EYA4: variants seen among roughly 807,000 people sequenced by gnomAD.
EYA4 encodes EYA transcriptional coactivator and phosphatase 4, also known as protein phosphatase EYA4.
EYA4 carries 31 observed loss-of-function variants against 87.9 expected under a neutral mutation model. That is an observed-to-expected ratio of 0.35 (90% CI 0.27 to 0.48). The LOEUF is 0.48. Ranked by LOEUF, EYA4 falls within the 20% of genes least tolerant of loss-of-function variation. The probability of loss-of-function intolerance (pLI) is 0.99; values close to 1 mark genes in which losing one functional copy is unlikely to be tolerated. For missense variants in EYA4, 678 were observed against 761.4 expected (o/e 0.89, Z 1.29); for synonymous variants, 263 against 270.6 (o/e 0.97, Z 0.28).
At chr6:133,465,161 AAG>A (rs1301573429) in intron 10 of EYA4, among the ~76,000 whole-genome samples, 4 of 152,108 alleles carry the variant, frequency 2.6e-5, no homozygotes, top group Non-Finnish European at 5.9e-5. Flanking sequence ...AAAATATACT[AAG>A]AACAATTTTA....
intron 4 of EYA4, among the ~76,000 whole-genome samples, chr6:133,447,397 A>G (rs972677336): frequency 5.3e-5 from 8 of 152,174 alleles, no homozygotes; most frequent in African/African-American, 1.9e-4. Context: ...AATGTATTCA[A>G]CTTGTCAGAA....
intron 6 of EYA4, among the ~76,000 whole-genome samples, chr6:133,457,560 A>G (rs904214263): frequency 1.3e-5 from 2 of 152,136 alleles, no homozygotes; most frequent in Non-Finnish European, 2.9e-5. Context: ...TATAGCATAT[A>G]TTTGATTTTT....
At chr6:133,402,710 A>T (rs934607864) in intron 3 of EYA4, among the ~76,000 whole-genome samples, 20 of 149,756 alleles carry the variant, frequency 1.3e-4, no homozygotes, top group African/African-American at 4.8e-4. Context: ...CAATATAAAG[A>T]TGAAATGTGA....
intron 2 of EYA4, among the ~76,000 whole-genome samples, chr6:133,342,213 A>C (rs751360606): frequency 4.6e-5 from 7 of 151,672 alleles, no homozygotes; most frequent in Admixed American, 4.6e-4. Flanking sequence ...AGCAGGGTGG[A>C]GTCAGGTGGC....
intron 4 of EYA4, among the ~76,000 whole-genome samples, chr6:133,447,350 C>T (rs1032219341): frequency 3.1e-4 from 47 of 152,168 alleles, no homozygotes; most frequent in African/African-American, 1.1e-3. Context: ...ACAATAATAG[C>T]TATTACTTCA....
At chr6:133,318,990 C>A (rs1780839565) in intron 2 of EYA4, among the ~76,000 whole-genome samples, 1 of 152,182 alleles carries the variant, frequency 6.6e-6, no homozygotes, top group South Asian at 2.1e-4. Flanking sequence ...TAGGAGGCCA[C>A]ATTTACAGCA....
intron 13 of EYA4, among the ~76,000 whole-genome samples, chr6:133,504,838 C>T (rs1798451789): frequency 6.6e-6 from 1 of 152,166 alleles, no homozygotes; most frequent in South Asian, 2.1e-4. Flanking sequence ...GTAAAGTTTG[C>T]ATTACATTTC....
chr6:133,529,832 G>A lies in EYA4; in HGVS notation c.*1027G>A, dbSNP rs368346286. The A allele has an allele frequency of 1.0e-6, 1 of 985,272 alleles. No individual in the cohort carries two copies. Among genetic ancestry groups the A allele is most frequent in the East Asian group, 1.1e-4 (1 of 8,824 alleles). The allele number at this position is 985,272 out of a possible 1,614,324, so 61.0% of individuals were successfully genotyped here. ...CTACAGTTTTACTGGAGAAAACTAA[G>A]AGCCATATTCATGACAACTTGCACA... On this transcript the variant is annotated 3_prime_UTR_variant, in exon 20 of 20. Coordinates refer to ENST00000355286, the MANE Select transcript of EYA4 (RefSeq NM_004100.5).
chr6:133,485,090 G>A (rs1796572987), intron 13 of EYA4, among the ~76,000 whole-genome samples: 1 of 152,140 alleles, frequency 6.6e-6, no homozygotes, highest in African/African-American at 2.4e-5. Context: ...CTCATAAACT[G>A]GCTTTAAGAG....
chr6:133,264,240 A>G (rs79963286), intron 1 of EYA4, among the ~76,000 whole-genome samples: 3,302 of 152,246 alleles, frequency 0.022, 95 homozygotes, highest in African/African-American at 0.066. Context: ...GGAGCAAAAA[A>G]CACCCCTGGA....
In EYA4 at chr6:133,528,858, T is replaced by C; in HGVS notation, c.*53T>C. The C allele has an allele frequency of 6.2e-7, 1 of 1,610,782 alleles. No individual in the cohort carries two copies. The highest frequency in any genetic ancestry group is 8.5e-7 in the Non-Finnish European group (1 of 1,177,434). On this transcript the variant is annotated 3_prime_UTR_variant, in exon 20 of 20. Coordinates refer to ENST00000355286, the MANE Select transcript of EYA4 (RefSeq NM_004100.5). ...TTTATATTTCAAGTACACTGAATTTTTATGTGTGATTCAATGCCTCTGGCT... is the reference window on the plus strand; with the variant it reads ...TTTATATTTCAAGTACACTGAATTTCTATGTGTGATTCAATGCCTCTGGCT...
chr6:133,382,242 C>T, intron 2 of EYA4, 150 bp from the exon 3 acceptor site: 1 of 680,464 alleles, frequency 1.5e-6, no homozygotes, highest in Admixed American at 2.1e-5. Context: ...ATGAAATACA[C>T]TATTTAGTAC....
At position 133,252,977 on chromosome 6, in the gene EYA4, ACACACACACACACT is replaced by A. The variant is rs1372876046; in HGVS notation, c.-66+11232_-66+11245del. ...CACACACACACACACACACACACACACACACACACACACTCACTCTCTCTCTCTCACTTCCTTTG... is the reference window on the plus strand; with the variant it reads ...CACACACACACACACACACACACACACACTCTCTCTCTCTCACTTCCTTTG... On this transcript the variant is annotated intron_variant, in intron 1 of 19. Transcript: ENST00000355286. Among the ~76,000 whole-genome samples the A allele has an allele frequency of 2.7e-5, 4 of 146,454 alleles. No homozygotes were observed. In the South Asian group the frequency reaches 8.5e-4, roughly 31 times the overall value.
At chr6:133,494,763 G>A (rs1797486738) in intron 13 of EYA4, among the ~76,000 whole-genome samples, 1 of 151,428 alleles carries the variant, frequency 6.6e-6, no homozygotes, top group South Asian at 2.1e-4. Context: ...GATGTTGGAG[G>A]ATCATTTGAG....
At position 133,525,201 on chromosome 6, in the gene EYA4, G is replaced by A. The variant is rs890246005; in HGVS notation, c.1786G>A (p.Val596Ile). 10 of 1,613,820 alleles carry A rather than the reference G, an allele frequency of 6.2e-6. No individual in the cohort carries two copies. The highest frequency in any genetic ancestry group is 2.7e-5 in the African/African-American group (2 of 75,026). The change falls in exon 19 of 20, where the codon GTA (valine) becomes ATA (isoleucine). Residue 596 changes from valine (V) to isoleucine (I), a missense_variant. Val to Ile is a conservative substitution (Grantham distance 29). Transcript: ENST00000355286. ...AATAATGCAAAGGTTTGGCAGAAAA[G>A]TAGTGTATGTTGTAATTGGGGATGG... ...ERIMQRFGRK[V>I]VYVVIGDGVE...
chr6:133,313,819 C>G (rs112505911), intron 2 of EYA4, among the ~76,000 whole-genome samples: 19 of 152,210 alleles, frequency 1.2e-4, no homozygotes, highest in Admixed American at 1.1e-3. Flanking sequence ...TGTATTTAAG[C>G]TGACTATAGA....
intron 17 of EYA4, among the ~76,000 whole-genome samples, chr6:133,518,543 C>T (rs1033102452): frequency 3.4e-4 from 52 of 152,100 alleles, no homozygotes; most frequent in African/African-American, 1.1e-3. Context: ...TGTAGTAGAA[C>T]CCCTAGCAAA....
chr6:133,482,942 A>T (rs1796344553), intron 12 of EYA4, 90 bp from the exon 13 acceptor site: 1 of 1,046,784 alleles, frequency 9.6e-7, no homozygotes, highest in South Asian at 1.3e-5. Flanking sequence ...TATCAAGATG[A>T]TCTCTAGGAA....
At chr6:133,511,938 G>A (rs554394760) in intron 14 of EYA4, among the ~76,000 whole-genome samples, 35 of 151,248 alleles carry the variant, frequency 2.3e-4, no homozygotes, top group African/African-American at 6.1e-4. Context: ...CCGAGATCGC[G>A]CCACTGCACT....
Sources: allele counts gnomAD v4.1 joint callset (sites outside exome capture counted in the v4.1 genomes callset), GRCh38; gene constraint gnomAD v4.1.1; transcripts MANE v1.5; gene names NCBI Gene and HGNC (gene_info 2026-07-23, HGNC 2026-07-21).